RCOR1: variants seen among roughly 807,000 people sequenced by gnomAD.
RCOR1 encodes REST corepressor 1, also known as REST corepressor.
RCOR1 carries 12 observed loss-of-function variants against 64.0 expected under a neutral mutation model. The observed-to-expected ratio is 0.19, with a 90% CI of 0.12 to 0.30. RCOR1 has a LOEUF of 0.30. RCOR1 is among the 10% of genes least tolerant of loss of function. RCOR1 has a pLI of 1.00. For missense variants in RCOR1, 502 were observed against 621.2 expected, an observed-to-expected ratio of 0.81 and a Z score of 2.04; for synonymous variants, 279 against 227.2, an observed-to-expected ratio of 1.23 and a Z score of -2.05.
chr14:102,653,975 CTTT>C (rs1894660756), intron 2 of RCOR1, among the ~76,000 whole-genome samples: 2 of 30,296 alleles, frequency 6.6e-5, no homozygotes, highest in Non-Finnish European at 1.2e-4. Flanking sequence ...TTCTTTCTTT[CTTT>C]CTTTCTTTTT....
chr14:102,650,558 C>T (rs1894568778), intron 2 of RCOR1, among the ~76,000 whole-genome samples: 1 of 152,120 alleles, frequency 6.6e-6, no homozygotes, highest in Admixed American at 6.5e-5. Context: ...AGTTAAAAGA[C>T]AGAACAGGAT....
intron 3 of RCOR1, among the ~76,000 whole-genome samples, chr14:102,689,376 G>A (rs975979712): frequency 1.3e-5 from 2 of 151,952 alleles, no homozygotes; most frequent in African/African-American, 4.8e-5. Context: ...GGGAAGCTCG[G>A]GTATAGCCTT....
At chr14:102,719,455 T>C (rs2139993677) in intron 8 of RCOR1, among the ~76,000 whole-genome samples, 1 of 152,246 alleles carries the variant, frequency 6.6e-6, no homozygotes, top group Non-Finnish European at 1.5e-5. Context: ...TGTGTCCAAG[T>C]GTTCTCATTG....
At chr14:102,600,482 A>T (rs896112423) in intron 2 of RCOR1, among the ~76,000 whole-genome samples, 4 of 151,150 alleles carry the variant, frequency 2.6e-5, no homozygotes, top group African/African-American at 9.7e-5. Context: ...GCTCACTGCA[A>T]CCTCTGTCTC....
Position 102,615,447 on chromosome 14 carries a change from C to CTTT in RCOR1, c.361+22138_361+22140dup, listed in dbSNP as rs560136180. Among the ~76,000 whole-genome samples, 50 of 131,906 alleles carry CTTT rather than the reference C, an allele frequency of 3.8e-4. 1 individual carries two copies. The highest frequency in any genetic ancestry group is 1.3e-3 in the African/African-American group (45 of 35,666). 86.5% of individuals were successfully genotyped at this position (131,906 alleles called of 152,430 possible). ...ATGAGCCACCTTGGCCTGCATAATT[C>CTTT]TTTTTTTTTTTTTTTTTTGAGATGG... On this transcript the variant is annotated intron_variant, in intron 2 of 11. Coordinates refer to ENST00000262241, the MANE Select transcript of RCOR1 (RefSeq NM_015156.4).
intron 2 of RCOR1, among the ~76,000 whole-genome samples, chr14:102,636,709 C>T (rs1399392317): frequency 6.6e-6 from 1 of 152,004 alleles, no homozygotes; most frequent in Non-Finnish European, 1.5e-5. Context: ...GTGGCTCACA[C>T]CTGTAATCCC....
intron 8 of RCOR1, 82 bp downstream of exon 8, chr14:102,714,699 C>A: frequency 1.8e-6 from 2 of 1,081,814 alleles, no homozygotes; most frequent in Non-Finnish European, 2.6e-6. Flanking sequence ...TGTGAATGTT[C>A]TCTTTCCGCA....
At chr14:102,645,387 A>G (rs1402643534) in intron 2 of RCOR1, among the ~76,000 whole-genome samples, 1 of 152,166 alleles carries the variant, frequency 6.6e-6, no homozygotes, top group African/African-American at 2.4e-5. Flanking sequence ...AAATATCCTT[A>G]GGTAGATCAT....
chr14:102,694,567 G>A (rs549901470), intron 3 of RCOR1, among the ~76,000 whole-genome samples: 4 of 152,226 alleles, frequency 2.6e-5, no homozygotes, highest in Admixed American at 2.0e-4. Flanking sequence ...GAGCCATTGC[G>A]CCCGGCCAAG....
intron 2 of RCOR1, among the ~76,000 whole-genome samples, chr14:102,678,047 A>C (rs1284866155): frequency 6.0e-5 from 9 of 150,194 alleles, no homozygotes; most frequent in South Asian, 4.2e-4. Context: ...AAAAAAAAAA[A>C]CGAAAACCAG....
At chr14:102,650,758 A>T (rs953901403) in intron 2 of RCOR1, among the ~76,000 whole-genome samples, 7 of 152,198 alleles carry the variant, frequency 4.6e-5, no homozygotes, top group Non-Finnish European at 8.8e-5. Context: ...ATTGTTATAT[A>T]TAAAGGGATA....
chr14:102,692,717 C>CTTCCTTCT (rs1230789412), intron 3 of RCOR1, among the ~76,000 whole-genome samples: 2 of 127,506 alleles, frequency 1.6e-5, no homozygotes. Flanking sequence ...TCTCTCCTTC[C>CTTCCTTCT]TTCCTTCCTT....
intron 2 of RCOR1, among the ~76,000 whole-genome samples, chr14:102,653,341 C>T (rs373608492): frequency 3.9e-5 from 6 of 152,310 alleles, no homozygotes; most frequent in East Asian, 3.9e-4. Context: ...ACCTCAGCCT[C>T]CTGAGTAGCT....
intron 2 of RCOR1, chr14:102,658,742 C>G (rs11626274): frequency 0.27 from 158,271 of 580,354 alleles, 23,803 homozygotes; most frequent in East Asian, 0.55. Flanking sequence ...CATTAATGTC[C>G]ATTTCTGTTC....
At chr14:102,648,041 G>A (rs148340223) in intron 2 of RCOR1, among the ~76,000 whole-genome samples, 1 of 152,192 alleles carries the variant, frequency 6.6e-6, no homozygotes, top group East Asian at 1.9e-4. Flanking sequence ...CCTTCAAGCT[G>A]ACTCCTGTGT....
At chr14:102,609,805 G>A (rs1401977029) in intron 2 of RCOR1, among the ~76,000 whole-genome samples, 8 of 151,942 alleles carry the variant, frequency 5.3e-5, no homozygotes, top group Non-Finnish European at 8.8e-5. Flanking sequence ...TCCCTGTGGT[G>A]GAGGGTTGGG....
chr14:102,627,174 G>A (rs1460391813), intron 2 of RCOR1, among the ~76,000 whole-genome samples: 2 of 152,160 alleles, frequency 1.3e-5, no homozygotes, highest in East Asian at 1.9e-4. Flanking sequence ...GTCTACATCT[G>A]TGCCTGGTAC....
intron 2 of RCOR1, among the ~76,000 whole-genome samples, chr14:102,652,346 A>G (rs1894610868): frequency 6.6e-6 from 1 of 152,246 alleles, no homozygotes; most frequent in Non-Finnish European, 1.5e-5. Flanking sequence ...GCGTTAAAGA[A>G]TGACTTAACA....
At chr14:102,655,917 C>T (rs1894712363) in intron 2 of RCOR1, 1 of 924,064 alleles carries the variant, frequency 1.1e-6, no homozygotes, top group Non-Finnish European at 1.3e-6. Context: ...CGCGCCACTG[C>T]ACTCCAGCCT....
Sources: allele counts gnomAD v4.1 joint callset (sites outside exome capture counted in the v4.1 genomes callset), GRCh38; gene constraint gnomAD v4.1.1; transcripts MANE v1.5; gene names NCBI Gene and HGNC (gene_info 2026-07-23, HGNC 2026-07-21).